Variants in PAPLN observed in about 807,000 individuals in gnomAD.
PAPLN encodes papilin, proteoglycan like sulfated glycoprotein.
Under a neutral mutation model 159.0 loss-of-function variants are expected in PAPLN, and 146 were observed. That is an observed-to-expected ratio of 0.92 (90% CI 0.80 to 1.05). PAPLN has a LOEUF of 1.05. Ranked by LOEUF, PAPLN falls within the 50% of genes least tolerant of loss-of-function variation. PAPLN has a pLI of 0.00. For synonymous variants in PAPLN, 734 were observed against 702.9 expected (o/e 1.04, Z -0.70); for missense variants, 1,720 against 1,743.9 (o/e 0.99, Z 0.24).
At chr14:73,269,870 GGCT>G (rs948382152) in intron 26 of PAPLN, among the ~76,000 whole-genome samples, 3 of 152,208 alleles carry the variant, frequency 2.0e-5, no homozygotes, top group Non-Finnish European at 4.4e-5. Flanking sequence ...GGGCAGGCCT[GGCT>G]GCTTCCTGGC....
At chr14:73,258,933 C>T in intron 14 of PAPLN, 46 bp from the exon 15 acceptor site, 2 of 1,544,012 alleles carry the variant, frequency 1.3e-6, no homozygotes, top group Non-Finnish European at 1.8e-6. Context: ...GGTCCATCCT[C>T]TCTTCCTCCC....
At chr14:73,263,608 C>T (rs567811612) in intron 19 of PAPLN, 37 bp from the exon 20 acceptor site, 5 of 1,612,766 alleles carry the variant, frequency 3.1e-6, no homozygotes, top group Non-Finnish European at 4.2e-6. Flanking sequence ...TCCTGGCGCT[C>T]ATGCCAGTCA....
At chr14:73,242,407 A>G (rs996569231) in intron 2 of PAPLN, among the ~76,000 whole-genome samples, 1 of 152,228 alleles carries the variant, frequency 6.6e-6, no homozygotes, top group African/African-American at 2.4e-5. Flanking sequence ...TGCTGTGCCA[A>G]GGAGCCAAGA....
intron 9 of PAPLN, 47 bp from the exon 10 acceptor site, chr14:73,251,971 G>A (rs1885320025): frequency 6.3e-7 from 1 of 1,577,038 alleles, no homozygotes; most frequent in Admixed American, 1.7e-5. Context: ...GGAGGGTGTG[G>A]GAGTGCTCCC....
In PAPLN at chr14:73,264,587, GGGGGTGACAT is replaced by G. The variant is rs778915317; in HGVS notation, c.2989_2998del (p.Gly997ProfsTer8). 1 of 1,585,284 alleles carries G rather than the reference GGGGGTGACAT, an allele frequency of 6.3e-7. No individual in the cohort carries two copies. The highest frequency in any genetic ancestry group is 8.6e-7 in the Non-Finnish European group (1 of 1,165,320). ...CCTTGTTTCTCCTGGCCTCATGACA[GGGGGTGACAT>G]GGCCGTGCTGTCTGAGGCTGAGCTG... On this transcript the variant is annotated frameshift_variant and splice_region_variant, in exon 22 of 27. Transcript: ENST00000644200. LOFTEE classifies it high-confidence loss of function.
At chr14:73,244,953 G>C (rs569012377) in intron 3 of PAPLN, 194 bp downstream of exon 3, 104 of 501,676 alleles carry the variant, frequency 2.1e-4, no homozygotes, top group East Asian at 4.3e-4. Context: ...CTTCCACTCT[G>C]AGCTGGAGCA....
At position 73,258,986 on chromosome 14, in the gene PAPLN, C is replaced by T. The variant is rs1020987235; in HGVS notation, c.1635C>T (p.Pro545=). The change falls in exon 15 of 27, where the codon CCC becomes CCT. Residue 545 remains proline (P), a synonymous_variant. Coordinates refer to ENST00000644200, the MANE Select transcript of PAPLN (RefSeq NM_001365906.3). The part of the protein sequence containing the change: ...TQPCHLPQEV[P]SMQDVHTPAS... The stretch of plus-strand genomic sequence containing the variant: ...CCTCCCGGCTCCCTGCAGAGGTCCC[C>T]AGCATGCAGGATGTGCACACCCCTG... 6 of 1,610,922 alleles carry T rather than the reference C, an allele frequency of 3.7e-6. No homozygotes were observed. The African/African-American group carries it at 8.0e-5, about 22-fold the overall frequency.
In PAPLN at chr14:73,251,653, CCT is replaced by C; in HGVS notation, c.671-8_671-7del. ...TCCCTCTGGCTGACTGAGGCGGTCT[CCT>C]CTGCGCAGCTGTGAAGAATGTTCGT... On this transcript the variant is annotated splice_polypyrimidine_tract_variant and intron_variant, in intron 8 of 26. Coordinates refer to ENST00000644200, the MANE Select transcript of PAPLN (RefSeq NM_001365906.3). 1.9e-6 allele frequency: 3 copies of C among 1,613,452 alleles called. No individual in the cohort carries two copies. In the South Asian group the frequency reaches 3.3e-5, roughly 18 times the overall value.
At chr14:73,246,991 C>T (rs1240654722) in intron 5 of PAPLN, 2 of 152,276 alleles carry the variant, frequency 1.3e-5, no homozygotes, top group African/African-American at 4.8e-5. Context: ...GTCTTTCCAT[C>T]CTTTCTCCCC....
intron 14 of PAPLN, among the ~76,000 whole-genome samples, chr14:73,258,406 T>G (rs1400746018): frequency 2.6e-5 from 4 of 152,128 alleles, no homozygotes. Flanking sequence ...TTTAAAAAAG[T>G]ATGTTCTGTT....
chr14:73,247,015 T>G (rs991088715), intron 5 of PAPLN: 5 of 152,242 alleles, frequency 3.3e-5, no homozygotes, highest in African/African-American at 1.2e-4. Context: ...TGTATGTATA[T>G]TTTCAAACGA....
chr14:73,261,345 C>T (rs1163338116), intron 18 of PAPLN, 51 bp downstream of exon 18: 1 of 1,588,016 alleles, frequency 6.3e-7, no homozygotes, highest in Admixed American at 1.7e-5. Context: ...TCTGCTCCCA[C>T]CATGCCTCCA....
At chr14:73,259,815 C>T (rs1270671571) in intron 16 of PAPLN, among the ~76,000 whole-genome samples, 6 of 152,144 alleles carry the variant, frequency 3.9e-5, no homozygotes, top group Non-Finnish European at 7.4e-5. Flanking sequence ...CCTGAGACTC[C>T]GAGAAGGCTC....
Position 73,264,612 on chromosome 14 carries a change from A to G in PAPLN, c.3011A>G (p.Glu1004Gly). ...IIGGDMAVLS[E>G]AELSRFPQPR... The stretch of plus-strand genomic sequence containing the variant: ...GGGGGTGACATGGCCGTGCTGTCTG[A>G]GGCTGAGCTGAGCCGCTTCCCTCAG... Residue 1004 changes from glutamate (E) to glycine (G), a missense_variant, in exon 22 of 27, where the codon GAG (glutamate) becomes GGG (glycine). Physicochemically the swap from Glu to Gly is moderately conservative, Grantham distance 98. Transcript: ENST00000644200. 6.2e-7 allele frequency: 1 copy of G among 1,603,884 alleles called. No individual in the cohort carries two copies. Among genetic ancestry groups the G allele is most frequent in the East Asian group, 2.2e-5 (1 of 44,822 alleles).
intron 26 of PAPLN, 119 bp downstream of exon 26, chr14:73,268,842 T>A (rs1296519529): frequency 2.4e-6 from 3 of 1,250,864 alleles, no homozygotes; most frequent in Non-Finnish European, 3.2e-6. Flanking sequence ...CCCTGCCAGT[T>A]GCTGGTAGTG....
intron 2 of PAPLN, 61 bp downstream of exon 2, chr14:73,239,893 C>T: frequency 1.3e-6 from 2 of 1,488,448 alleles, no homozygotes. Flanking sequence ...GGCGGGGACG[C>T]GCGGGCCCGC....
rs868789019 is a variant in PAPLN, at chr14:73,261,282, C to T, written c.2233C>T (p.Gln745Ter). The change falls in exon 18 of 27, where the codon CAG (glutamine) becomes TAG (stop). Residue 745 changes from glutamine to a stop codon, truncating the protein, a stop_gained. Transcript: ENST00000644200. LOFTEE classifies it high-confidence loss of function. ...AGPLGEGCVG[Q>*]PSHAYPVRCL... is the part of the protein sequence containing the mutation. ...TCCTCTTGGGGAAGGCTGTGTGGGC[C>T]AGCCCAGCCATGGTGAGTGGACACC... is the stretch of plus-strand genomic sequence containing the variant. 1 of 1,613,756 alleles carries T rather than the reference C, an allele frequency of 6.2e-7. No homozygotes were observed. The highest frequency in any genetic ancestry group is 2.2e-5 in the East Asian group (1 of 44,886).
At chr14:73,246,679 C>G (rs1594784454) in intron 5 of PAPLN, 1 of 133,084 alleles carries the variant, frequency 7.5e-6, no homozygotes, top group African/African-American at 2.9e-5. Flanking sequence ...CTTGCCCAGG[C>G]TTGAGTGCAG....
intron 13 of PAPLN, 35 bp from the exon 14 acceptor site, chr14:73,254,842 T>C: frequency 1.2e-6 from 2 of 1,607,008 alleles, no homozygotes; most frequent in Non-Finnish European, 1.7e-6. Context: ...AGCCTCGCCC[T>C]CAGCATCTCT....
Sources: gnomAD v4.1 joint callset for allele counts (sites outside exome capture counted in the v4.1 genomes callset) on GRCh38, gnomAD v4.1.1 for gene constraint, MANE v1.5 for transcripts, NCBI Gene and HGNC (gene_info 2026-07-23, HGNC 2026-07-21) for gene names.